KCNIP4: variants seen among roughly 807,000 people sequenced by gnomAD.
KCNIP4 encodes the protein Kv channel-interacting protein 4.
In KCNIP4, 12 loss-of-function variants were observed where a neutral mutation model predicts 34.0. The ratio of observed to expected loss-of-function variants is 0.35; its 90% CI spans 0.23 to 0.57. The LOEUF is 0.57. Among genes scored for constraint, KCNIP4 ranks in the 20% least tolerant of loss-of-function variants. The probability of loss-of-function intolerance (pLI) is 0.83; values close to 1 mark genes in which losing one functional copy is unlikely to be tolerated. For missense variants in KCNIP4, 238 were observed against 311.7 expected, an observed-to-expected ratio of 0.76 and a Z score of 1.78; for synonymous variants, 124 against 102.2, an observed-to-expected ratio of 1.21 and a Z score of -1.29.
chr4:21,008,669 G>A (rs1409017068), intron 1 of KCNIP4, among the ~76,000 whole-genome samples: 1 of 151,506 alleles, frequency 6.6e-6, no homozygotes, highest in Non-Finnish European at 1.5e-5. Context: ...GACTGCAGGC[G>A]CCCGCCACCA....
intron 1 of KCNIP4, among the ~76,000 whole-genome samples, chr4:21,616,456 G>A (rs115066737): frequency 2.8e-4 from 43 of 152,296 alleles, no homozygotes; most frequent in Admixed American, 8.5e-4. Context: ...TGTTGCAATT[G>A]TCTACAACAG....
chr4:21,202,786 G>A (rs1272401540), intron 1 of KCNIP4, among the ~76,000 whole-genome samples: 1 of 152,050 alleles, frequency 6.6e-6, no homozygotes, highest in East Asian at 1.9e-4. Context: ...ATCCCATAAT[G>A]GGCAGGGTAG....
chr4:20,746,289 G>T (rs1752402880), intron 5 of KCNIP4, among the ~76,000 whole-genome samples: 1 of 151,886 alleles, frequency 6.6e-6, no homozygotes, highest in Admixed American at 6.6e-5. Context: ...ACCAAACATT[G>T]CATGTTCTCA....
At chr4:21,169,091 T>A (rs925476969) in intron 1 of KCNIP4, among the ~76,000 whole-genome samples, 3 of 152,176 alleles carry the variant, frequency 2.0e-5, no homozygotes, top group South Asian at 4.1e-4. Flanking sequence ...TGTACGTGCA[T>A]GTTAAGTCAA....
intron 1 of KCNIP4, among the ~76,000 whole-genome samples, chr4:21,670,170 CAACA>C (rs920371970): frequency 1.3e-5 from 2 of 151,928 alleles, no homozygotes; most frequent in Non-Finnish European, 2.9e-5. Flanking sequence ...GAAAGCAACA[CAACA>C]AACATGTTTC....
intron 2 of KCNIP4, among the ~76,000 whole-genome samples, chr4:20,877,685 C>T (rs1218818348): frequency 6.6e-6 from 1 of 152,118 alleles, no homozygotes; most frequent in Non-Finnish European, 1.5e-5. Context: ...AACTGGCTCT[C>T]CTGGGTGCCA....
chr4:21,333,994 G>A (rs1715911714), intron 1 of KCNIP4, among the ~76,000 whole-genome samples: 1 of 152,116 alleles, frequency 6.6e-6, no homozygotes, highest in Admixed American at 6.6e-5. Context: ...GTGCTAAATT[G>A]TGAAACAAAG....
intron 1 of KCNIP4, among the ~76,000 whole-genome samples, chr4:21,757,724 C>G (rs1577949625): frequency 6.6e-6 from 1 of 152,266 alleles, no homozygotes; most frequent in East Asian, 1.9e-4. Flanking sequence ...TGCCTGCCAC[C>G]CAATCTATGA....
intron 1 of KCNIP4, among the ~76,000 whole-genome samples, chr4:21,898,471 G>A (rs1727526125): frequency 6.6e-6 from 1 of 152,104 alleles, no homozygotes; most frequent in Non-Finnish European, 1.5e-5. Context: ...CAGGGCACCA[G>A]ACAGAGTCCT....
intron 1 of KCNIP4, among the ~76,000 whole-genome samples, chr4:20,900,741 C>T (rs546725497): frequency 6.6e-6 from 1 of 151,810 alleles, no homozygotes; most frequent in African/African-American, 2.4e-5. Flanking sequence ...GGAAGGAGCC[C>T]AGCACTGTCA....
chr4:21,904,604 C>T (rs1727887983), intron 1 of KCNIP4, among the ~76,000 whole-genome samples: 2 of 152,198 alleles, frequency 1.3e-5, no homozygotes, highest in Admixed American at 1.3e-4. Flanking sequence ...CCTGAATTAT[C>T]TTGGATAGAA....
At chr4:21,220,149 C>T (rs1044486995) in intron 1 of KCNIP4, among the ~76,000 whole-genome samples, 1 of 152,152 alleles carries the variant, frequency 6.6e-6, no homozygotes, top group Non-Finnish European at 1.5e-5. Context: ...TTGGTAAAGT[C>T]GTACCAGGTT....
chr4:21,122,457 G>GTT (rs10553440), intron 1 of KCNIP4, among the ~76,000 whole-genome samples: 7 of 126,376 alleles, frequency 5.5e-5, no homozygotes, highest in East Asian at 2.4e-4. Flanking sequence ...TGCAGATCAA[G>GTT]TTTTTTTTTT....
chr4:21,066,469 G>A (rs919078510), intron 1 of KCNIP4, among the ~76,000 whole-genome samples: 2 of 152,146 alleles, frequency 1.3e-5, no homozygotes, highest in Non-Finnish European at 2.9e-5. Flanking sequence ...GCACTGAAGA[G>A]GGTAGAAAAG....
At chr4:21,552,408 A>G (rs1285748887) in intron 1 of KCNIP4, among the ~76,000 whole-genome samples, 1 of 152,182 alleles carries the variant, frequency 6.6e-6, no homozygotes, top group African/African-American at 2.4e-5. Context: ...TTAGAAATTA[A>G]CTTAGTGGAT....
chr4:21,237,920 C>A (rs1441527259), intron 1 of KCNIP4, among the ~76,000 whole-genome samples: 1 of 152,002 alleles, frequency 6.6e-6, no homozygotes, highest in Non-Finnish European at 1.5e-5. Context: ...GGCAGAGATA[C>A]AACAAAAAAA....
At chr4:21,212,582 T>C (rs1757296505) in intron 1 of KCNIP4, among the ~76,000 whole-genome samples, 1 of 152,142 alleles carries the variant, frequency 6.6e-6, no homozygotes, top group South Asian at 2.1e-4. Context: ...ACAACAGGAA[T>C]ATATTTCTCA....
intron 1 of KCNIP4, among the ~76,000 whole-genome samples, chr4:21,591,096 A>G (rs1358883697): frequency 6.6e-6 from 1 of 152,000 alleles, no homozygotes; most frequent in Non-Finnish European, 1.5e-5. Context: ...TTTAACAAAG[A>G]AAAAGGAAGG....
intron 5 of KCNIP4, among the ~76,000 whole-genome samples, chr4:20,742,117 T>A (rs1382389201): frequency 6.6e-6 from 1 of 152,212 alleles, no homozygotes; most frequent in Non-Finnish European, 1.5e-5. Flanking sequence ...CCAGATGGAT[T>A]CACAGCTGAA....
Sources: allele counts gnomAD v4.1 joint callset (sites outside exome capture counted in the v4.1 genomes callset), GRCh38; gene constraint gnomAD v4.1.1; transcripts MANE v1.5; gene names NCBI Gene and HGNC (gene_info 2026-07-23, HGNC 2026-07-21).